The following FRMPD1 variants were observed in gnomAD, a reference collection of about 807,000 sequenced individuals.
FRMPD1 encodes the protein FERM and PDZ domain containing 1.
A neutral mutation model predicts 117.8 loss-of-function variants in FRMPD1; 76 were observed. The ratio of observed to expected loss-of-function variants is 0.65; its 90% confidence interval spans 0.54 to 0.78. The LOEUF (loss-of-function observed/expected upper bound fraction) is 0.78, where lower values mean the gene tolerates loss of function less well. Among genes scored for constraint, FRMPD1 ranks in the 30% least tolerant of loss-of-function variants. The pLI is 0.00. For missense variants in FRMPD1, 1,786 were observed against 1,964.5 expected (o/e 0.91, Z 1.72); for synonymous variants, 783 against 770.4 (o/e 1.02, Z -0.27).
intron 1 of FRMPD1, among the ~76,000 whole-genome samples, chr9:37,684,855 G>A (rs1473289649): frequency 3.3e-5 from 5 of 152,148 alleles, no homozygotes; most frequent in African/African-American, 1.2e-4. Flanking sequence ...CTGGGCTCAG[G>A]TGATCCTCCT....
At chr9:37,634,891 C>A in the FRMPD1 span, among the ~76,000 whole-genome samples, 5 of 151,946 alleles carry the variant, frequency 3.3e-5, no homozygotes, top group Non-Finnish European at 7.4e-5. Context: ...ACCCCCAATC[C>A]CCCAACAGGC....
intron 1 of FRMPD1, chr9:37,667,924 G>C (rs4590519): frequency 6.6e-6 from 1 of 152,298 alleles, no homozygotes. Flanking sequence ...GTTAAGGGGG[G>C]ATAATGTGCT....
At chr9:37,656,423 A>G (rs1008126647) in intron 1 of FRMPD1, among the ~76,000 whole-genome samples, 1 of 152,178 alleles carries the variant, frequency 6.6e-6, no homozygotes, top group Non-Finnish European at 1.5e-5. Flanking sequence ...TTGAACCTTG[A>G]AGCTTTTGAC....
chr9:37,608,031 G>A, the FRMPD1 span, among the ~76,000 whole-genome samples: 1 of 152,290 alleles, frequency 6.6e-6, no homozygotes. Context: ...TGTGGCCAGC[G>A]ATAACATCTA....
chr9:37,694,911 A>C (rs551753471), intron 2 of FRMPD1, among the ~76,000 whole-genome samples: 1 of 151,666 alleles, frequency 6.6e-6, no homozygotes, highest in Non-Finnish European at 1.5e-5. Flanking sequence ...ATTCTTTTTT[A>C]TTGTCAAATA....
chr9:37,706,224 G>C (rs1388230345), intron 2 of FRMPD1, among the ~76,000 whole-genome samples: 3 of 152,052 alleles, frequency 2.0e-5, no homozygotes, highest in Non-Finnish European at 4.4e-5. Flanking sequence ...GGGGATCCTT[G>C]GTGGATAGTG....
rs369806622 is a variant in FRMPD1 at position 37,729,754 on chromosome 9, G to C, written c.639G>C (p.Lys213Asn). The change falls in exon 8 of 16, where the codon AAG (lysine) becomes AAC (asparagine). Residue 213 changes from lysine (K) to asparagine (N), a missense_variant. Physicochemically the swap from Lys to Asn is moderately conservative, Grantham distance 94. Transcript: ENST00000377765. ...VKDIILTVKE[K>N]LSIRSIEYFA... ...ACATCATCCTCACCGTGAAGGAGAAGCTGTCCATCCGAAGTATCGAGTACT... is the reference window on the plus strand; with the variant it reads ...ACATCATCCTCACCGTGAAGGAGAACCTGTCCATCCGAAGTATCGAGTACT... The C allele has an allele frequency of 2.5e-6, 4 of 1,614,096 alleles. No homozygotes were observed. The East Asian group carries it at 8.9e-5, about 36-fold the overall frequency.
chr9:37,701,510 C>CGTGTGTGTGT (rs58458625), intron 2 of FRMPD1, among the ~76,000 whole-genome samples: 21 of 146,914 alleles, frequency 1.4e-4, no homozygotes, highest in African/African-American at 4.8e-4. Flanking sequence ...TGTGCATGTA[C>CGTGTGTGTGT]GTGTGTGTGT....
intron 1 of FRMPD1, among the ~76,000 whole-genome samples, chr9:37,684,419 A>G (rs1209587844): frequency 1.3e-5 from 2 of 152,354 alleles, no homozygotes; most frequent in East Asian, 1.9e-4. Context: ...TTGTTAGCAT[A>G]GTTGTGTTAC....
intron 7 of FRMPD1, chr9:37,728,157 T>C (rs7040849): frequency 0.62 from 93,633 of 152,020 alleles, 29,645 homozygotes; most frequent in Non-Finnish European, 0.69. Flanking sequence ...ACACAACAAC[T>C]CTATGAGATA....
rs375086210 is a variant in FRMPD1 at position 37,664,795 on chromosome 9, T to C, written c.-5+13701T>C. 2.0e-5 allele frequency among the ~76,000 whole-genome samples: 3 copies of C among 152,270 alleles called. No homozygotes were observed. The South Asian group carries it at 6.2e-4, about 32-fold the overall frequency. On this transcript the variant is annotated intron_variant, in intron 1 of 15. Coordinates refer to ENST00000377765, the MANE Select transcript of FRMPD1 (RefSeq NM_014907.3). Reference sequence around the variant, plus strand: ...AGAACTGCAAACAGAAGCCCCCTTATAAATCTAATAAATTAGGGGTGACTG... The same window carrying C: ...AGAACTGCAAACAGAAGCCCCCTTACAAATCTAATAAATTAGGGGTGACTG...
intron 4 of FRMPD1, among the ~76,000 whole-genome samples, chr9:37,709,509 T>C (rs1293045205): frequency 1.3e-5 from 2 of 151,778 alleles, no homozygotes; most frequent in African/African-American, 4.8e-5. Context: ...GGGCCACGAT[T>C]GTACCACTGC....
intron 1 of FRMPD1, among the ~76,000 whole-genome samples, chr9:37,686,340 A>G (rs1419503266): frequency 6.6e-6 from 1 of 152,238 alleles, no homozygotes; most frequent in Non-Finnish European, 1.5e-5. Context: ...CTTTATGTAA[A>G]GAAACTTTCT....
the FRMPD1 span, among the ~76,000 whole-genome samples, chr9:37,613,561 C>T: frequency 5.3e-5 from 8 of 152,142 alleles, no homozygotes; most frequent in African/African-American, 1.7e-4. Flanking sequence ...AAAACAGAGA[C>T]ACAGCGGAAA....
chr9:37,710,564 T>G (rs1456489178), intron 4 of FRMPD1, among the ~76,000 whole-genome samples: 1 of 152,238 alleles, frequency 6.6e-6, no homozygotes, highest in African/African-American at 2.4e-5. Context: ...TTGGCTTTTA[T>G]CTGATAAACG....
At chr9:37,685,638 C>T (rs907929114) in intron 1 of FRMPD1, among the ~76,000 whole-genome samples, 7 of 151,362 alleles carry the variant, frequency 4.6e-5, no homozygotes, top group East Asian at 2.0e-4. Context: ...GGCGAGAAAG[C>T]GAGACTCCGT....
rs988260150 is a variant in FRMPD1 at position 37,692,791 on chromosome 9, C to G, written c.101+49C>G. On this transcript the variant is annotated intron_variant, in intron 2 of 15. Coordinates refer to ENST00000377765, the MANE Select transcript of FRMPD1 (RefSeq NM_014907.3). The stretch of plus-strand genomic sequence containing the variant: ...TTCTGTCTATAAAGGTCTGGTGTCC[C>G]GGGGGAGGAGCTTGTGCTGGTCCTG... The G allele has an allele frequency of 4.6e-5, 61 of 1,318,250 alleles. No homozygotes were observed. The Middle Eastern group carries it at 5.5e-4, about 12-fold the overall frequency. 81.7% of individuals were successfully genotyped at this position (1,318,250 alleles called of 1,614,324 possible).
At chr9:37,726,647 G>A (rs981291574) in intron 7 of FRMPD1, among the ~76,000 whole-genome samples, 20 of 152,148 alleles carry the variant, frequency 1.3e-4, no homozygotes, top group Non-Finnish European at 2.1e-4. Context: ...GCAGTGAGCC[G>A]AGACCATGCC....
intron 2 of FRMPD1, among the ~76,000 whole-genome samples, chr9:37,706,370 A>G (rs1822705219): frequency 6.6e-6 from 1 of 152,206 alleles, no homozygotes; most frequent in South Asian, 2.1e-4. Context: ...GTGAGGGCCT[A>G]TTGCATTAGG....
Sources: gnomAD v4.1 joint callset for allele counts (sites outside exome capture counted in the v4.1 genomes callset) on GRCh38, gnomAD v4.1.1 for gene constraint, MANE v1.5 for transcripts, NCBI Gene and HGNC (gene_info 2026-07-23, HGNC 2026-07-21) for gene names.